The following NXPE3 variants were observed in gnomAD, a reference collection of about 807,000 sequenced individuals.
NXPE3 encodes the protein NXPE family member 3.
NXPE3 carries 26 observed loss-of-function variants against 46.1 expected under a neutral mutation model. The observed-to-expected ratio is 0.56, with a 90% CI of 0.41 to 0.78. NXPE3 has a LOEUF of 0.78. Among genes scored for constraint, NXPE3 ranks in the 30% least tolerant of loss-of-function variants. NXPE3 has a pLI of 0.00. For missense variants in NXPE3, 620 were observed against 686.0 expected (o/e 0.90, Z 1.07); for synonymous variants, 272 against 257.9 (o/e 1.05, Z -0.52).
At chr3:101,821,270 C>A in intron 7 of NXPE3, 134 bp from the exon 8 acceptor site, 1 of 662,432 alleles carries the variant, frequency 1.5e-6, no homozygotes, top group Non-Finnish European at 2.6e-6. Flanking sequence ...AATAGGTATT[C>A]CCTTTACATT....
intron 6 of NXPE3, among the ~76,000 whole-genome samples, chr3:101,816,465 CCT>C (rs1941975634): frequency 6.6e-6 from 1 of 152,014 alleles, no homozygotes; most frequent in Non-Finnish European, 1.5e-5. Context: ...TGTTCCTCTC[CCT>C]GTGTCCATGT....
At chr3:101,789,782 T>G (rs1940397002) in intron 4 of NXPE3, among the ~76,000 whole-genome samples, 1 of 152,000 alleles carries the variant, frequency 6.6e-6, no homozygotes, top group Admixed American at 6.6e-5. Flanking sequence ...GCCACAACCT[T>G]TGGGCTCAAG....
intron 5 of NXPE3, among the ~76,000 whole-genome samples, chr3:101,806,200 A>T (rs1941410141): frequency 6.6e-6 from 1 of 152,226 alleles, no homozygotes; most frequent in South Asian, 2.1e-4. Context: ...TTTTTTCTGA[A>T]ATTGATGAAA....
intron 4 of NXPE3, among the ~76,000 whole-genome samples, chr3:101,795,759 T>C (rs1940797893): frequency 6.6e-6 from 1 of 152,164 alleles, no homozygotes; most frequent in African/African-American, 2.4e-5. Flanking sequence ...TATATATTAC[T>C]CATTTGAATA....
chr3:101,816,779 TC>T lies in NXPE3; in HGVS notation c.923-15del. ...AGGAGAATATTAAAATATTTGTTTT[TC>T]TTTTTTCTTTGCAGAAACTAACAGT... On this transcript the variant is annotated splice_polypyrimidine_tract_variant and intron_variant, in intron 6 of 7. Coordinates refer to ENST00000273347, the MANE Select transcript of NXPE3 (RefSeq NM_145037.4). 6.3e-7 allele frequency: 1 copy of T among 1,580,640 alleles called. No homozygotes were observed. The highest frequency in any genetic ancestry group is 1.1e-5 in the South Asian group (1 of 87,750).
At chr3:101,794,815 TACTTTAGTTCTTGGAA>T (rs1348757831) in intron 4 of NXPE3, among the ~76,000 whole-genome samples, 2 of 152,252 alleles carry the variant, frequency 1.3e-5, no homozygotes, top group African/African-American at 4.8e-5. Context: ...TCTTTTGTTC[TACTTTAGTTCTTGGAA>T]ACTTCCGTAC....
In NXPE3 at chr3:101,821,464, A is replaced by G; in HGVS notation, c.1190A>G (p.Gln397Arg). The G allele has an allele frequency of 1.2e-6, 2 of 1,614,230 alleles. No homozygotes were observed. Among genetic ancestry groups the G allele is most frequent in the Non-Finnish European group, 1.7e-6 (2 of 1,180,046 alleles). The change falls in exon 8 of 8, where the codon CAG (glutamine) becomes CGG (arginine). Residue 397 changes from glutamine (Q) to arginine (R), a missense_variant. By Grantham distance (43) the Gln-to-Arg change is conservative. Transcript: ENST00000273347. ...KNVGPFLAVD[Q>R]KHNILLKYRC... Reference sequence around the variant, plus strand: ...GTGGGTCCCTTCCTTGCAGTGGACCAGAAGCACAACATCCTGCTCAAATAC... The same window carrying G: ...GTGGGTCCCTTCCTTGCAGTGGACCGGAAGCACAACATCCTGCTCAAATAC...
rs1942334557 is a variant in NXPE3 at position 101,823,182 on chromosome 3, A to C, written c.*1228A>C. 1 of 152,160 alleles carries C rather than the reference A, an allele frequency of 6.6e-6. No individual in the cohort carries two copies. The highest frequency in any genetic ancestry group is 1.9e-4 in the East Asian group (1 of 5,198). The allele number at this position is 152,160 out of a possible 1,614,324, so 9.4% of individuals were successfully genotyped here. On this transcript the variant is annotated 3_prime_UTR_variant, in exon 8 of 8. Transcript: ENST00000273347. The stretch of plus-strand genomic sequence containing the variant: ...TAAGTTGCTCCTAAGTAGACAGATG[A>C]AGAAACTAGGGAGGCTTTAGAGAGG...
At chr3:101,789,361 T>G (rs190713558) in intron 4 of NXPE3, among the ~76,000 whole-genome samples, 2 of 152,180 alleles carry the variant, frequency 1.3e-5, no homozygotes, top group East Asian at 1.9e-4. Flanking sequence ...CTGGGCAACA[T>G]AGTGAGACCC....
At chr3:101,790,165 ATATT>A (rs1443462696) in intron 4 of NXPE3, among the ~76,000 whole-genome samples, 5 of 152,182 alleles carry the variant, frequency 3.3e-5, no homozygotes, top group Non-Finnish European at 5.9e-5. Flanking sequence ...ATTTTGGTAT[ATATT>A]CTATGTGTAC....
chr3:101,790,338 A>G (rs1056024540), intron 4 of NXPE3, among the ~76,000 whole-genome samples: 3 of 152,186 alleles, frequency 2.0e-5, no homozygotes, highest in South Asian at 2.1e-4. Flanking sequence ...GTCTCTCACT[A>G]TAATTGTGAA....
intron 6 of NXPE3, among the ~76,000 whole-genome samples, chr3:101,813,408 A>G (rs941949201): frequency 3.3e-5 from 5 of 151,476 alleles, no homozygotes; most frequent in Admixed American, 6.6e-5. Context: ...CTCTTTCTGG[A>G]TGATTTAGGG....
At chr3:101,817,381 C>T (rs770669177) in intron 7 of NXPE3, among the ~76,000 whole-genome samples, 4 of 152,198 alleles carry the variant, frequency 2.6e-5, no homozygotes, top group Non-Finnish European at 4.4e-5. Context: ...AGTTGTTTCT[C>T]CCCTAGTTCT....
rs1233116813 is a variant in NXPE3, at chr3:101,821,518, C to T, written c.1244C>T (p.Thr415Met). 8 of 1,614,210 alleles carry T rather than the reference C, an allele frequency of 5.0e-6. No individual in the cohort carries two copies. Among genetic ancestry groups the T allele is most frequent in the African/African-American group, 1.3e-5 (1 of 75,044 alleles). ...YRCHGPPIRF[T>M]TVFSNELHYV... is the part of the protein sequence containing the mutation. ...TGCCATGGTCCACCCATCCGCTTCA[C>T]GACTGTCTTTAGCAATGAGCTCCAT... is the stretch of plus-strand genomic sequence containing the variant. The change falls in exon 8 of 8, where the codon ACG becomes ATG. Residue 415 changes from threonine to methionine, a missense_variant. Thr to Met is a moderately conservative substitution (Grantham distance 81). This residue lies in a region of NXPE3 where 511 missense variants were observed against 528.6 expected (regional missense o/e 0.97). Transcript: ENST00000273347.
rs1487788653 is a variant in NXPE3, at chr3:101,821,961, TTGGAAGGGAC to T, written c.*12_*21del. 1 of 1,610,288 alleles carries T rather than the reference TTGGAAGGGAC, an allele frequency of 6.2e-7. No homozygotes were observed. The highest frequency in any genetic ancestry group is 8.5e-7 in the Non-Finnish European group (1 of 1,177,256). Reference sequence around the variant, plus strand: ...GTGCCCCTTGGAAACCTAGCCTGTCTTGGAAGGGACTGGAGGAATCATATTCAATGACCTT... The same window carrying T: ...GTGCCCCTTGGAAACCTAGCCTGTCTTGGAGGAATCATATTCAATGACCTT... On this transcript the variant is annotated 3_prime_UTR_variant, in exon 8 of 8. Transcript: ENST00000273347.
chr3:101,782,643 A>T lies in NXPE3; in HGVS notation c.-316-17A>T, dbSNP rs1020635443. On this transcript the variant is annotated splice_polypyrimidine_tract_variant and intron_variant, in intron 2 of 7. Transcript: ENST00000273347. Reference sequence around the variant, plus strand: ...TTGGTTTTATTCTTTATTTTATTTCATTTTTTTTTGAGACAGAGTCCTGCT... The same window carrying T: ...TTGGTTTTATTCTTTATTTTATTTCTTTTTTTTTTGAGACAGAGTCCTGCT... 3 of 150,440 alleles carry T rather than the reference A, an allele frequency of 2.0e-5. No individual in the cohort carries two copies. Among genetic ancestry groups the T allele is most frequent in the East Asian group, 3.9e-4 (2 of 5,166 alleles). The allele number at this position is 150,440 out of a possible 1,614,324, so 9.3% of individuals were successfully genotyped here.
intron 4 of NXPE3, among the ~76,000 whole-genome samples, chr3:101,798,956 G>A (rs1318429004): frequency 6.6e-6 from 1 of 151,828 alleles, no homozygotes; most frequent in Non-Finnish European, 1.5e-5. Context: ...ATTTGTTAGA[G>A]ACAAGGTCTT....
intron 4 of NXPE3, among the ~76,000 whole-genome samples, chr3:101,788,896 A>C (rs1371422764): frequency 6.6e-6 from 1 of 152,020 alleles, no homozygotes; most frequent in African/African-American, 2.4e-5. Flanking sequence ...GATTACGAGC[A>C]TGAGCCACCA....
At chr3:101,779,492 C>A (rs942924072) in intron 1 of NXPE3, 168 bp downstream of exon 1, 2 of 152,696 alleles carry the variant, frequency 1.3e-5, no homozygotes, top group African/African-American at 2.4e-5. Flanking sequence ...CCCCTGGAGT[C>A]GTGGCTGTGG....
Sources: allele counts gnomAD v4.1 joint callset (sites outside exome capture counted in the v4.1 genomes callset), GRCh38; gene constraint gnomAD v4.1.1; regional missense constraint gnomAD v4.1.1; transcripts MANE v1.5; gene names NCBI Gene and HGNC (gene_info 2026-07-23, HGNC 2026-07-21).